Variants in ABCA13 observed in about 807,000 individuals in gnomAD.
The protein encoded by ABCA13 is ATP binding cassette subfamily A member 13.
A neutral mutation model predicts 478.7 loss-of-function variants in ABCA13; 476 were observed. That is an observed-to-expected ratio of 0.99 (90% CI 0.92 to 1.07). The LOEUF (loss-of-function observed/expected upper bound fraction) is 1.07. ABCA13 is among the 50% of genes least tolerant of loss of function. ABCA13 has a pLI of 0.00. For synonymous variants in ABCA13, 2,252 were observed against 2,158.9 expected (o/e 1.04, Z -1.20); for missense variants, 6,060 against 5,910.6 (o/e 1.03, Z -0.83).
chr7:48,604,536 C>T (rs527383891), intron 58 of ABCA13, among the ~76,000 whole-genome samples: 727 of 152,194 alleles, frequency 4.8e-3, no homozygotes, highest in Non-Finnish European at 8.7e-3. Flanking sequence ...TGTAGTTGTG[C>T]GGTTTTGAGT....
chr7:48,446,386 T>TAA (rs1168931209), intron 42 of ABCA13, among the ~76,000 whole-genome samples: 4 of 95,464 alleles, frequency 4.2e-5, no homozygotes, highest in East Asian at 3.6e-4. Flanking sequence ...GTCATGCCCT[T>TAA]TAAAAAAAAA....
chr7:48,393,583 A>G (rs1170471500), intron 38 of ABCA13, among the ~76,000 whole-genome samples: 1 of 152,246 alleles, frequency 6.6e-6, no homozygotes, highest in Admixed American at 6.5e-5. Context: ...CATTTAATTA[A>G]GGTGAAAGCT....
Position 48,294,598 on chromosome 7 carries a change from C to T in ABCA13, c.8956-1102C>T, listed in dbSNP as rs183001885. 7.8e-4 allele frequency among the ~76,000 whole-genome samples: 119 copies of T among 151,714 alleles called. 1 individual carries two copies. The East Asian group carries it at 0.022, about 28-fold the overall frequency. ...AGTAGCTGGGACTACAGGCGCCCGCCACCGCGCCCGGCTAATTTTTTGTAT... is the reference window on the plus strand; with the variant it reads ...AGTAGCTGGGACTACAGGCGCCCGCTACCGCGCCCGGCTAATTTTTTGTAT... On this transcript the variant is annotated intron_variant, in intron 20 of 61. Transcript: ENST00000435803.
At chr7:48,345,606 G>A (rs1469702011) in intron 29 of ABCA13, among the ~76,000 whole-genome samples, 2 of 152,134 alleles carry the variant, frequency 1.3e-5, no homozygotes, top group Admixed American at 1.3e-4. Flanking sequence ...TTGTACAGCT[G>A]TACAATGTGT....
intron 58 of ABCA13, among the ~76,000 whole-genome samples, chr7:48,598,426 C>T (rs1270028255): frequency 1.3e-5 from 2 of 152,182 alleles, no homozygotes; most frequent in East Asian, 3.8e-4. Flanking sequence ...ATATTTTCAA[C>T]TCCTTTGGGT....
At chr7:48,470,708 C>T (rs531013915) in intron 44 of ABCA13, among the ~76,000 whole-genome samples, 7 of 152,300 alleles carry the variant, frequency 4.6e-5, no homozygotes, top group Admixed American at 3.9e-4. Flanking sequence ...TTGGTGTTAT[C>T]ATACTGGCTT....
intron 20 of ABCA13, among the ~76,000 whole-genome samples, chr7:48,294,736 G>A (rs1584693161): frequency 1.3e-5 from 2 of 152,094 alleles, no homozygotes; most frequent in East Asian, 1.9e-4. Flanking sequence ...GTGAGCCACC[G>A]CGCCCGGCCC....
rs544950042 is a variant in ABCA13 at position 48,518,399 on chromosome 7, CGAA to C, written c.13797+1525_13797+1527del. Among the ~76,000 whole-genome samples the C allele has an allele frequency of 3.7e-4, 57 of 152,220 alleles. 1 individual carries two copies. The South Asian group carries it at 1.0e-2, about 27-fold the overall frequency. The stretch of plus-strand genomic sequence containing the variant: ...GTGAGATTTAGCTCCAAAAGAAAAA[CGAA>C]GAAGAATTGTCCATATCCAAAGAGG... On this transcript the variant is annotated intron_variant, in intron 52 of 61. Transcript: ENST00000435803.
Position 48,403,841 on chromosome 7 carries a change from G to C in ABCA13, c.12032G>C (p.Arg4011Pro), listed in dbSNP as rs775789318. 6.2e-7 allele frequency: 1 copy of C among 1,613,374 alleles called. No homozygotes were observed. Among genetic ancestry groups the C allele is most frequent in the Non-Finnish European group, 8.5e-7 (1 of 1,179,664 alleles). The part of the protein sequence containing the change: ...EPTSGVDPCS[R>P]HSLWDILLKY... ...ACCAGTGGGGTGGACCCTTGCTCCCGGCATAGCCTGTGGGACATTCTGCTC... is the reference window on the plus strand; with the variant it reads ...ACCAGTGGGGTGGACCCTTGCTCCCCGCATAGCCTGTGGGACATTCTGCTC... The change falls in exon 39 of 62, where the codon CGG (arginine) becomes CCG (proline). Residue 4011 changes from arginine (R) to proline (P), a missense_variant. Physicochemically the swap from Arg to Pro is moderately radical, Grantham distance 103. Around this residue, in one of 3 missense-constraint regions of ABCA13, gnomAD observed 1,627 missense variants for 1,571.0 expected, o/e 1.04. Transcript: ENST00000435803.
At chr7:48,631,020 T>G (rs1417401717) in intron 59 of ABCA13, among the ~76,000 whole-genome samples, 1 of 151,976 alleles carries the variant, frequency 6.6e-6, no homozygotes, top group Non-Finnish European at 1.5e-5. Flanking sequence ...GTTTTTTGCT[T>G]GTTAAGTTCC....
At chr7:48,631,882 A>G (rs1794194782) in intron 59 of ABCA13, among the ~76,000 whole-genome samples, 1 of 152,104 alleles carries the variant, frequency 6.6e-6, no homozygotes. Flanking sequence ...GAGATCCTTC[A>G]CTTCCCTGGC....
At chr7:48,605,981 C>CCTTTCTT (rs1358467813) in intron 58 of ABCA13, among the ~76,000 whole-genome samples, 1 of 152,146 alleles carries the variant, frequency 6.6e-6, no homozygotes, top group African/African-American at 2.4e-5. Context: ...TCTCTGATAT[C>CCTTTCTT]CTTTCTTCCA....
intron 3 of ABCA13, among the ~76,000 whole-genome samples, chr7:48,218,244 G>C (rs1192599132): frequency 6.6e-6 from 1 of 152,224 alleles, no homozygotes; most frequent in Admixed American, 6.5e-5. Context: ...CGAATCTCAT[G>C]TATGGGTGAG....
chr7:48,314,880 CCACGATAGGTACAAATGAATATGT>C (rs1240545329), intron 26 of ABCA13, among the ~76,000 whole-genome samples: 3 of 151,938 alleles, frequency 2.0e-5, no homozygotes, highest in Admixed American at 1.3e-4. Flanking sequence ...AATGAATATG[CCACGATAGGTACAAATGAATATGT>C]CACGATAGGT....
At chr7:48,368,311 A>T (rs1297392965) in intron 32 of ABCA13, among the ~76,000 whole-genome samples, 2 of 152,006 alleles carry the variant, frequency 1.3e-5, no homozygotes, top group East Asian at 3.9e-4. Context: ...CATAACTTAA[A>T]TTTTTTTATT....
At chr7:48,184,517 A>T (rs958739780) in intron 1 of ABCA13, among the ~76,000 whole-genome samples, 4 of 152,174 alleles carry the variant, frequency 2.6e-5, no homozygotes, top group Admixed American at 6.5e-5. Context: ...TGAACATTTT[A>T]AAAAAGTTTC....
intron 41 of ABCA13, among the ~76,000 whole-genome samples, chr7:48,420,905 G>A (rs934605972): frequency 6.6e-6 from 1 of 152,086 alleles, no homozygotes; most frequent in Non-Finnish European, 1.5e-5. Context: ...CTGTCAATCT[G>A]CAAGAATTCC....
In ABCA13 at chr7:48,480,502, C is replaced by T. The variant is rs77886356; in HGVS notation, c.12976-534C>T. The stretch of plus-strand genomic sequence containing the variant: ...TGTGGCAGGGCAGAGCACATCATTG[C>T]GCAGCCTCCAGTGGCCTGGGTTTTG... On this transcript the variant is annotated intron_variant, in intron 45 of 61. Transcript: ENST00000435803. Among the ~76,000 whole-genome samples the T allele has an allele frequency of 9.8e-3, 1,491 of 152,328 alleles. 30 individuals are homozygous for T. The highest frequency in any genetic ancestry group is 0.034 in the African/African-American group (1,393 of 41,582).
intron 30 of ABCA13, 142 bp from the exon 31 acceptor site, chr7:48,352,039 C>T (rs966825858): frequency 4.6e-5 from 34 of 738,748 alleles, no homozygotes; most frequent in African/African-American, 7.0e-5. Context: ...TTTGCCACTG[C>T]GGGCTGGGGC....
Sources: gnomAD v4.1 joint callset for allele counts (sites outside exome capture counted in the v4.1 genomes callset) on GRCh38, gnomAD v4.1.1 for gene constraint, gnomAD v4.1.1 regional missense constraint, MANE v1.5 for transcripts, NCBI Gene and HGNC (gene_info 2026-07-23, HGNC 2026-07-21) for gene names.